The following CARMIL1 variants were observed in gnomAD, a reference collection of about 807,000 sequenced individuals.
CARMIL1 encodes F-actin-uncapping protein LRRC16A.
CARMIL1 carries 90 observed loss-of-function variants against 177.1 expected under a neutral mutation model. The ratio of observed to expected loss-of-function variants is 0.51; its 90% CI spans 0.43 to 0.61. The LOEUF is 0.61. Ranked by LOEUF, CARMIL1 falls within the 20% of genes least tolerant of loss-of-function variation. The pLI, the probability that CARMIL1 is intolerant of heterozygous loss-of-function variation, is 0.00. For missense variants in CARMIL1, 1,380 were observed against 1,667.0 expected (o/e 0.83, Z 3.00); for synonymous variants, 577 against 606.2 (o/e 0.95, Z 0.71).
At chr6:25,309,134 C>T (rs1403654812) in intron 2 of CARMIL1, among the ~76,000 whole-genome samples, 2 of 152,030 alleles carry the variant, frequency 1.3e-5, no homozygotes, top group Non-Finnish European at 2.9e-5. Context: ...GTGATCCTCC[C>T]GCCTAGGCCT....
At chr6:25,390,695 A>T (rs959988449) in intron 2 of CARMIL1, among the ~76,000 whole-genome samples, 1 of 151,878 alleles carries the variant, frequency 6.6e-6, no homozygotes, top group African/African-American at 2.4e-5. Context: ...CTTTTAAAAA[A>T]TTTTTATTTT....
At chr6:25,348,479 C>T (rs1787771302) in intron 2 of CARMIL1, among the ~76,000 whole-genome samples, 1 of 151,610 alleles carries the variant, frequency 6.6e-6, no homozygotes, top group Non-Finnish European at 1.5e-5. Context: ...GTGAGTTATA[C>T]ACACATTTAA....
At chr6:25,526,845 C>T (rs1399109673) in intron 23 of CARMIL1, among the ~76,000 whole-genome samples, 1 of 152,138 alleles carries the variant, frequency 6.6e-6, no homozygotes, top group Non-Finnish European at 1.5e-5. Context: ...AGCCACCACA[C>T]CCAGCCTATT....
chr6:25,463,819 C>CTTTTTTTT (rs68160209), intron 8 of CARMIL1, among the ~76,000 whole-genome samples: 6 of 108,492 alleles, frequency 5.5e-5, no homozygotes, highest in Admixed American at 1.0e-4. Context: ...AGTTGTTCTC[C>CTTTTTTTT]TTTTTTTTTT....
chr6:25,368,809 G>A (rs530170123), intron 2 of CARMIL1, among the ~76,000 whole-genome samples: 7 of 152,302 alleles, frequency 4.6e-5, no homozygotes, highest in Admixed American at 2.0e-4. Context: ...ATGGCCTCAT[G>A]TATGTATATT....
intron 36 of CARMIL1, among the ~76,000 whole-genome samples, chr6:25,610,948 C>A (rs1247640581): frequency 6.6e-6 from 1 of 152,106 alleles, no homozygotes; most frequent in Non-Finnish European, 1.5e-5. Flanking sequence ...AATTCTGGAG[C>A]CACACAAGTC....
intron 2 of CARMIL1, among the ~76,000 whole-genome samples, chr6:25,361,559 A>T (rs929085204): frequency 6.6e-6 from 1 of 152,134 alleles, no homozygotes; most frequent in Admixed American, 6.5e-5. Context: ...TTTTCTTGGT[A>T]TGAAAGGCTT....
chr6:25,490,313 A>T (rs1415628894), intron 13 of CARMIL1, among the ~76,000 whole-genome samples: 1 of 152,204 alleles, frequency 6.6e-6, no homozygotes, highest in Non-Finnish European at 1.5e-5. Flanking sequence ...GTCTCTTGAG[A>T]CAATTTTTGC....
At chr6:25,592,279 C>A (rs148596928) in intron 31 of CARMIL1, among the ~76,000 whole-genome samples, 1 of 152,136 alleles carries the variant, frequency 6.6e-6, no homozygotes, top group Non-Finnish European at 1.5e-5. Context: ...GACATAATAA[C>A]GTGTAAAACA....
At chr6:25,546,747 C>G (rs1273850238) in intron 26 of CARMIL1, among the ~76,000 whole-genome samples, 1 of 151,368 alleles carries the variant, frequency 6.6e-6, no homozygotes, top group Non-Finnish European at 1.5e-5. Flanking sequence ...AAAATACTCA[C>G]CATTTAAAAT....
rs200153939 is a variant in CARMIL1 at position 25,606,181 on chromosome 6, C to T, written c.3755C>T (p.Pro1252Leu). Residue 1252 changes from proline to leucine, a missense_variant, in exon 35 of 37, where the codon CCT becomes CTT. Transcript: ENST00000329474. ...GSRSRSSSST[P>L]TSPKPLLQSP... ...AGGTCTCGGAGCTCATCCAGCACAC[C>T]TACGAGCCCGAAGCCCCTCCTGCAG... The T allele has an allele frequency of 3.0e-5, 49 of 1,613,862 alleles. No homozygotes were observed. The highest frequency in any genetic ancestry group is 4.0e-5 in the Non-Finnish European group (47 of 1,179,898).
chr6:25,436,123 A>T (rs754626573), intron 5 of CARMIL1, among the ~76,000 whole-genome samples: 8 of 152,140 alleles, frequency 5.3e-5, no homozygotes, highest in Admixed American at 1.3e-4. Context: ...AATTTCGTTC[A>T]TCCATGCCCT....
At chr6:25,404,684 A>T (rs891398000) in intron 2 of CARMIL1, among the ~76,000 whole-genome samples, 2 of 150,974 alleles carry the variant, frequency 1.3e-5, no homozygotes, top group Non-Finnish European at 3.0e-5. Flanking sequence ...TGAACCCGGG[A>T]GGCAGAGGTT....
At chr6:25,310,564 G>A (rs1033628214) in intron 2 of CARMIL1, among the ~76,000 whole-genome samples, 2 of 152,170 alleles carry the variant, frequency 1.3e-5, no homozygotes, top group African/African-American at 2.4e-5. Flanking sequence ...AAATTGTGAC[G>A]TAAGAAGTAT....
chr6:25,403,183 A>G (rs1041646364), intron 2 of CARMIL1, among the ~76,000 whole-genome samples: 1 of 151,512 alleles, frequency 6.6e-6, no homozygotes, highest in African/African-American at 2.4e-5. Context: ...CTATGTAATT[A>G]TTTCATGGGT....
chr6:25,529,539 A>G (rs1234994321), intron 24 of CARMIL1, among the ~76,000 whole-genome samples: 1 of 152,194 alleles, frequency 6.6e-6, no homozygotes, highest in Non-Finnish European at 1.5e-5. Context: ...AGCGAGATGA[A>G]CAAAGGAATT....
chr6:25,352,876 A>G (rs1400845951), intron 2 of CARMIL1, among the ~76,000 whole-genome samples: 1 of 152,212 alleles, frequency 6.6e-6, no homozygotes, highest in Non-Finnish European at 1.5e-5. Flanking sequence ...AAGTCACTTA[A>G]TAACTACAGT....
intron 35 of CARMIL1, 86 bp downstream of exon 35, chr6:25,606,359 G>A: frequency 7.8e-7 from 1 of 1,283,416 alleles, no homozygotes; most frequent in Non-Finnish European, 1.1e-6. Context: ...TGGTTTCAGG[G>A]GCAGCTGGTG....
At chr6:25,537,711 C>T (rs551522713) in intron 24 of CARMIL1, 144 bp from the exon 25 acceptor site, 44 of 863,914 alleles carry the variant, frequency 5.1e-5, no homozygotes, top group South Asian at 4.9e-4. Context: ...CTCAGTGACT[C>T]CAGTTAGAAG....
Sources: gnomAD v4.1 joint callset for allele counts (sites outside exome capture counted in the v4.1 genomes callset) on GRCh38, gnomAD v4.1.1 for gene constraint, MANE v1.5 for transcripts, NCBI Gene and HGNC (gene_info 2026-07-23, HGNC 2026-07-21) for gene names.